SRGAP1: variants seen among roughly 807,000 people sequenced by gnomAD.
The protein encoded by SRGAP1 is SLIT-ROBO Rho GTPase activating protein 1.
SRGAP1 carries 43 observed loss-of-function variants against 121.9 expected under a neutral mutation model. The ratio of observed to expected loss-of-function variants is 0.35; its 90% CI spans 0.28 to 0.46. The LOEUF is 0.46. SRGAP1 is among the 20% of genes least tolerant of loss of function. The pLI is 1.00. For missense variants in SRGAP1, 1,102 were observed against 1,350.9 expected (o/e 0.82, Z 2.89); for synonymous variants, 447 against 485.4 (o/e 0.92, Z 1.04).
chr12:63,931,150 G>A (rs1337715143), intron 1 of SRGAP1, among the ~76,000 whole-genome samples: 5 of 151,948 alleles, frequency 3.3e-5, no homozygotes, highest in Non-Finnish European at 4.4e-5. Flanking sequence ...TTGTAGTTTT[G>A]GCCAGATGAT....
chr12:64,027,041 C>T (rs1351489849), intron 4 of SRGAP1, among the ~76,000 whole-genome samples: 1 of 152,052 alleles, frequency 6.6e-6, no homozygotes, highest in Non-Finnish European at 1.5e-5. Context: ...GAGGTGTGTG[C>T]TGCCATGCTA....
chr12:64,086,924 A>C, intron 10 of SRGAP1, 75 bp from the exon 11 acceptor site: 9 of 1,059,000 alleles, frequency 8.5e-6, no homozygotes, highest in African/African-American at 1.6e-5. Context: ...AATACCGGAT[A>C]GGAGATACAA....
intron 15 of SRGAP1, among the ~76,000 whole-genome samples, chr12:64,108,366 G>A (rs928733271): frequency 2.0e-5 from 3 of 152,120 alleles, no homozygotes; most frequent in African/African-American, 7.2e-5. Flanking sequence ...TATGAAGGCA[G>A]GAATTGTATT....
rs1013411243 is a variant in SRGAP1, at chr12:63,960,021, G to A, written c.68-23926G>A. Among the ~76,000 whole-genome samples the A allele has an allele frequency of 3.3e-5, 5 of 151,084 alleles. No homozygotes were observed. In the East Asian group the frequency reaches 9.7e-4, roughly 29 times the overall value. Reference sequence around the variant, plus strand: ...TGAAGTGAAGGATGGACTTGACCCTGTGGCCTCCTTGTACTATGTGTGCAT... The same window carrying A: ...TGAAGTGAAGGATGGACTTGACCCTATGGCCTCCTTGTACTATGTGTGCAT... On this transcript the variant is annotated intron_variant, in intron 1 of 21. Transcript: ENST00000355086.
intron 18 of SRGAP1, among the ~76,000 whole-genome samples, chr12:64,121,200 A>T (rs1369946854): frequency 6.6e-6 from 1 of 151,656 alleles, no homozygotes; most frequent in East Asian, 2.0e-4. Context: ...TTTTGTAGAG[A>T]CAGGGTTTCC....
At chr12:64,035,124 G>T in intron 4 of SRGAP1, among the ~76,000 whole-genome samples, 1 of 98,756 alleles carries the variant, frequency 1.0e-5, no homozygotes, top group East Asian at 2.3e-4. Context: ...GGGATGGGAT[G>T]GGAACTGAGA....
At chr12:63,941,167 A>G (rs571693143) in intron 1 of SRGAP1, among the ~76,000 whole-genome samples, 12 of 151,632 alleles carry the variant, frequency 7.9e-5, no homozygotes, top group Non-Finnish European at 1.8e-4. Flanking sequence ...TATATATTTA[A>G]TATATATTAA....
chr12:63,878,501 T>C (rs911208337), intron 1 of SRGAP1, among the ~76,000 whole-genome samples: 1 of 152,240 alleles, frequency 6.6e-6, no homozygotes, highest in South Asian at 2.1e-4. Flanking sequence ...CATTCCTCTA[T>C]TCGTGTGCGT....
At chr12:63,938,365 G>A (rs1592962405) in intron 1 of SRGAP1, among the ~76,000 whole-genome samples, 1 of 152,272 alleles carries the variant, frequency 6.6e-6, no homozygotes, top group East Asian at 1.9e-4. Context: ...GTTCGGGGTG[G>A]AGTCTTCCAG....
intron 1 of SRGAP1, among the ~76,000 whole-genome samples, chr12:63,850,922 G>A (rs147032663): frequency 0.027 from 4,096 of 152,160 alleles, 208 homozygotes; most frequent in African/African-American, 0.092. Flanking sequence ...TTGGGAGGCC[G>A]AGGCGGGTGG....
intron 4 of SRGAP1, among the ~76,000 whole-genome samples, chr12:64,039,628 C>CGTGTGTGTGTGTGTGTGTGTGT (rs6144742): frequency 0.019 from 2,460 of 130,850 alleles, 121 homozygotes; most frequent in Middle Eastern, 0.057. Flanking sequence ...AGCTGAGCAA[C>CGTGTGTGTGTGTGTGTGTGTGT]GTGTGTGTGT....
chr12:63,869,175 G>A (rs759269201), intron 1 of SRGAP1, among the ~76,000 whole-genome samples: 6 of 152,210 alleles, frequency 3.9e-5, no homozygotes, highest in Non-Finnish European at 8.8e-5. Context: ...TTGGCTCACA[G>A]TTCTGGTTGC....
At chr12:64,100,626 A>G (rs113763293) in intron 15 of SRGAP1, among the ~76,000 whole-genome samples, 3,904 of 152,252 alleles carry the variant, frequency 0.026, 149 homozygotes, top group African/African-American at 0.089. Context: ...ATTTTTCCCC[A>G]TAAGTCTTGT....
At chr12:64,137,328 A>G (rs1408930435) in intron 21 of SRGAP1, among the ~76,000 whole-genome samples, 2 of 152,070 alleles carry the variant, frequency 1.3e-5, no homozygotes, top group East Asian at 1.9e-4. Flanking sequence ...GGCTCTGCAC[A>G]TGTCTCTGAG....
At chr12:64,056,198 C>G (rs1312183755) in intron 6 of SRGAP1, among the ~76,000 whole-genome samples, 3 of 152,108 alleles carry the variant, frequency 2.0e-5, no homozygotes, top group African/African-American at 7.2e-5. Flanking sequence ...CCAAACCCTG[C>G]CACTTCTCAC....
intron 1 of SRGAP1, among the ~76,000 whole-genome samples, chr12:63,946,671 G>C (rs2032059771): frequency 6.6e-6 from 1 of 151,770 alleles, no homozygotes; most frequent in African/African-American, 2.4e-5. Context: ...AGCCTCCCAG[G>C]TAGCTGGGAC....
intron 11 of SRGAP1, among the ~76,000 whole-genome samples, chr12:64,088,252 GT>G (rs982430438): frequency 3.0e-4 from 46 of 152,230 alleles, no homozygotes; most frequent in African/African-American, 1.1e-3. Flanking sequence ...TTTCTTCACT[GT>G]GTCAGTGAAA....
chr12:63,893,692 A>C (rs1057109535), intron 1 of SRGAP1, among the ~76,000 whole-genome samples: 5 of 152,200 alleles, frequency 3.3e-5, no homozygotes, highest in African/African-American at 1.2e-4. Context: ...AAATCCTTGC[A>C]TCACTAAGTC....
At chr12:64,133,728 T>C (rs989018185) in intron 21 of SRGAP1, among the ~76,000 whole-genome samples, 1 of 152,152 alleles carries the variant, frequency 6.6e-6, no homozygotes, top group East Asian at 1.9e-4. Context: ...GTCTGGAAAT[T>C]GATTGAGGGG....
Sources: gnomAD v4.1 joint callset for allele counts (sites outside exome capture counted in the v4.1 genomes callset) on GRCh38, gnomAD v4.1.1 for gene constraint, MANE v1.5 for transcripts, NCBI Gene and HGNC (gene_info 2026-07-23, HGNC 2026-07-21) for gene names.